ZC3HAV1: variants seen among roughly 807,000 people sequenced by gnomAD.
The protein encoded by ZC3HAV1 is zinc finger CCCH-type containing, antiviral 1, also known as zinc finger CCCH-type antiviral protein 1.
A neutral mutation model predicts 86.6 loss-of-function variants in ZC3HAV1; 41 were observed. The observed-to-expected ratio is 0.47, with a 90% CI of 0.37 to 0.61. The LOEUF is 0.61. Ranked by LOEUF, ZC3HAV1 falls within the 20% of genes least tolerant of loss-of-function variation. The pLI is 0.00. For synonymous variants in ZC3HAV1, 421 were observed against 432.1 expected (o/e 0.97, Z 0.32); for missense variants, 964 against 1,141.1 (o/e 0.84, Z 2.24).
intron 8 of ZC3HAV1, among the ~76,000 whole-genome samples, chr7:139,062,701 T>C (rs979444940): frequency 7.9e-5 from 12 of 152,192 alleles, no homozygotes; most frequent in Admixed American, 7.9e-4. Context: ...ACTAGCTTAA[T>C]GCATGACAGA....
intron 1 of ZC3HAV1, among the ~76,000 whole-genome samples, chr7:139,099,161 T>G (rs1372543627): frequency 6.6e-6 from 1 of 152,026 alleles, no homozygotes; most frequent in Non-Finnish European, 1.5e-5. Flanking sequence ...AGAGTCAAAT[T>G]TGATCAAATT....
chr7:139,072,678 C>G (rs531818365), intron 7 of ZC3HAV1, among the ~76,000 whole-genome samples: 12 of 152,288 alleles, frequency 7.9e-5, no homozygotes, highest in African/African-American at 2.9e-4. Context: ...ACTATGCCCC[C>G]ACTATGGGTC....
Position 139,067,213 on chromosome 7 carries a change from A to G in ZC3HAV1, c.1873-2214T>C, listed in dbSNP as rs561359001. On this transcript the variant is annotated intron_variant, in intron 7 of 12. Coordinates refer to ENST00000242351, the MANE Select transcript of ZC3HAV1 (RefSeq NM_020119.4). ...GCCCAGGCTGGAATGCAGTGGCACA[A>G]TCTGGGCTCACTGCAACCTCCGCCT... Among the ~76,000 whole-genome samples, 111 of 151,988 alleles carry G rather than the reference A, an allele frequency of 7.3e-4. 1 individual carries two copies. The highest frequency in any genetic ancestry group is 2.6e-3 in the African/African-American group (108 of 41,456).
intron 2 of ZC3HAV1, among the ~76,000 whole-genome samples, chr7:139,088,045 A>G (rs1353176146): frequency 1.3e-5 from 2 of 151,124 alleles, no homozygotes; most frequent in Non-Finnish European, 3.0e-5. Flanking sequence ...AAAAAAAAAA[A>G]AAAAAAAAAA....
Position 139,101,383 on chromosome 7 carries a change from C to T in ZC3HAV1, c.308+7641G>A, listed in dbSNP as rs537300799. ...GAGCGCCTCTTCCCGGCCGCCATCCCGTCTAGGAAGTGAGGAGCGTCTCTG... is the reference window on the plus strand; with the variant it reads ...GAGCGCCTCTTCCCGGCCGCCATCCTGTCTAGGAAGTGAGGAGCGTCTCTG... On this transcript the variant is annotated intron_variant, in intron 1 of 12. Coordinates refer to ENST00000242351, the MANE Select transcript of ZC3HAV1 (RefSeq NM_020119.4). 7.0e-5 allele frequency among the ~76,000 whole-genome samples: 10 copies of T among 143,780 alleles called. No individual in the cohort carries two copies. The South Asian group carries it at 2.3e-3, about 34-fold the overall frequency. 94.3% of individuals were successfully genotyped at this position (143,780 alleles called of 152,430 possible). A position where few individuals can be genotyped will look rare whatever the true frequency, so the allele number is the denominator to read the frequency against.
chr7:139,049,054 T>C (rs1473631332), intron 12 of ZC3HAV1, among the ~76,000 whole-genome samples: 1 of 152,082 alleles, frequency 6.6e-6, no homozygotes, highest in Non-Finnish European at 1.5e-5. Context: ...ATATGAACTG[T>C]TCTACAACTT....
chr7:139,066,078 C>T (rs941288397), intron 7 of ZC3HAV1, among the ~76,000 whole-genome samples: 3 of 152,098 alleles, frequency 2.0e-5, no homozygotes, highest in Non-Finnish European at 4.4e-5. Context: ...TTCCTCATTC[C>T]GTGGCCAGGG....
intron 1 of ZC3HAV1, among the ~76,000 whole-genome samples, chr7:139,090,109 C>T (rs190948525): frequency 1.2e-4 from 18 of 151,898 alleles, no homozygotes; most frequent in Middle Eastern, 3.4e-3. Flanking sequence ...TTAGTAGAGA[C>T]GGGGTTTCAC....
intron 11 of ZC3HAV1, 136 bp from the exon 12 acceptor site, chr7:139,053,717 G>C: frequency 1.7e-6 from 2 of 1,205,666 alleles, no homozygotes; most frequent in Non-Finnish European, 2.3e-6. Context: ...TAACTTTAAG[G>C]CAGCAGCTGT....
intron 8 of ZC3HAV1, among the ~76,000 whole-genome samples, chr7:139,062,878 A>C (rs2130679876): frequency 6.6e-6 from 1 of 152,020 alleles, no homozygotes; most frequent in African/African-American, 2.4e-5. Context: ...AAATACAAAA[A>C]ATTAACCAGG....
At chr7:139,071,129 C>G (rs1816761853) in intron 7 of ZC3HAV1, among the ~76,000 whole-genome samples, 1 of 137,858 alleles carries the variant, frequency 7.3e-6, no homozygotes. Flanking sequence ...TGGAGTCTTA[C>G]TCTGTCACCC....
At chr7:139,054,883 G>A (rs1023628209) in intron 10 of ZC3HAV1, among the ~76,000 whole-genome samples, 1 of 152,148 alleles carries the variant, frequency 6.6e-6, no homozygotes, top group African/African-American at 2.4e-5. Flanking sequence ...CGCCTCCCGG[G>A]TACAGGCAAT....
At chr7:139,093,634 C>T (rs1421640088) in intron 1 of ZC3HAV1, among the ~76,000 whole-genome samples, 1 of 152,208 alleles carries the variant, frequency 6.6e-6, no homozygotes, top group Non-Finnish European at 1.5e-5. Context: ...CCCTGCCCGC[C>T]AGAGAACAAC....
chr7:139,097,401 CAT>C (rs1183885767), intron 1 of ZC3HAV1, among the ~76,000 whole-genome samples: 13,695 of 62,608 alleles, frequency 0.22, 1,624 homozygotes, highest in Admixed American at 0.26. Flanking sequence ...ATTGGAACTC[CAT>C]ATATATATAT....
intron 3 of ZC3HAV1, 129 bp from the exon 4 acceptor site, chr7:139,080,372 G>T: frequency 9.0e-7 from 1 of 1,110,356 alleles, no homozygotes; most frequent in South Asian, 1.5e-5. Flanking sequence ...ATTACTTGGC[G>T]TAATCTGATG....
intron 2 of ZC3HAV1, among the ~76,000 whole-genome samples, chr7:139,087,593 A>G (rs1817308301): frequency 6.6e-6 from 1 of 152,166 alleles, no homozygotes; most frequent in South Asian, 2.1e-4. Context: ...TCTTGCATTC[A>G]TATCTCTCCT....
chr7:139,053,984 G>T lies in ZC3HAV1; in HGVS notation c.2299C>A (p.Leu767Ile). The T allele has an allele frequency of 6.2e-7, 1 of 1,604,752 alleles. No individual in the cohort carries two copies. Among genetic ancestry groups the T allele is most frequent in the Non-Finnish European group, 8.5e-7 (1 of 1,177,826 alleles). The change falls in exon 11 of 13, where the codon CTC becomes ATC. Residue 767 changes from leucine to isoleucine, a missense_variant. Transcript: ENST00000242351. ...ACCAACCATGTAAATTTATCCAGGA[G>T]CTCTGAGTTCTCGATCTTCTTTATC... ...EKIKKIENSE[L>I]LDKFTWKKSQ...
intron 3 of ZC3HAV1, among the ~76,000 whole-genome samples, chr7:139,082,126 G>A (rs999124150): frequency 1.3e-5 from 2 of 152,034 alleles, no homozygotes; most frequent in African/African-American, 4.8e-5. Context: ...TTAGCTGGGA[G>A]TGGTGGCAGG....
Position 139,100,755 on chromosome 7 carries a change from A to ACTCTCCCTCTCCCCACGGTCTCC in ZC3HAV1, c.308+8268_308+8269insGGAGACCGTGGGGAGAGGGAGAG, listed in dbSNP as rs1563141872. Among the ~76,000 whole-genome samples the ACTCTCCCTCTCCCCACGGTCTCC allele has an allele frequency of 4.4e-4, 59 of 133,906 alleles. 4 individuals carry two copies. The highest frequency in any genetic ancestry group is 1.0e-3 in the African/African-American group (35 of 34,754). 87.8% of individuals were successfully genotyped at this position (133,906 alleles called of 152,430 possible). A position where few individuals can be genotyped will look rare whatever the true frequency, so the allele number is the denominator to read the frequency against. On this transcript the variant is annotated intron_variant, in intron 1 of 12. Coordinates refer to ENST00000242351, the MANE Select transcript of ZC3HAV1 (RefSeq NM_020119.4). ...ATAAAACTTTAAGAATCAAAATTCC[A>ACTCTCCCTCTCCCCACGGTCTCC]CTCTCCCTCTCTTTCCACGGTCTCC...
Sources: gnomAD v4.1 joint callset for allele counts (sites outside exome capture counted in the v4.1 genomes callset) on GRCh38, gnomAD v4.1.1 for gene constraint, MANE v1.5 for transcripts, NCBI Gene and HGNC (gene_info 2026-07-23, HGNC 2026-07-21) for gene names.